MNAT1: variants seen among roughly 807,000 people sequenced by gnomAD.
The protein encoded by MNAT1 is MNAT1 component of CDK activating kinase.
A neutral mutation model predicts 42.0 loss-of-function variants in MNAT1; 43 were observed. The observed-to-expected ratio is 1.02, with a 90% CI of 0.80 to 1.32. MNAT1 has a LOEUF of 1.32. MNAT1 is among the 40% of genes most tolerant of loss of function. MNAT1 has a pLI of 0.00. For missense variants in MNAT1, 306 were observed against 350.4 expected (o/e 0.87, Z 1.01); for synonymous variants, 118 against 120.0 (o/e 0.98, Z 0.11).
chr14:60,949,895 C>G (rs1284895409), intron 7 of MNAT1, among the ~76,000 whole-genome samples: 1 of 151,990 alleles, frequency 6.6e-6, no homozygotes, highest in African/African-American at 2.4e-5. Context: ...TTTTTAAAAA[C>G]TTGAAATTGT....
At chr14:60,910,117 T>C (rs1321860454) in intron 7 of MNAT1, among the ~76,000 whole-genome samples, 1 of 152,230 alleles carries the variant, frequency 6.6e-6, no homozygotes, top group Non-Finnish European at 1.5e-5. Context: ...ATGATTTGGC[T>C]CTCTGTTTGT....
At chr14:60,894,225 C>A (rs944022249) in intron 7 of MNAT1, among the ~76,000 whole-genome samples, 2 of 151,742 alleles carry the variant, frequency 1.3e-5, no homozygotes, top group African/African-American at 2.4e-5. Flanking sequence ...TTTTCTACCC[C>A]TCCTCCATTG....
intron 5 of MNAT1, among the ~76,000 whole-genome samples, chr14:60,816,329 A>AC (rs1555376656): frequency 6.6e-6 from 1 of 152,176 alleles, no homozygotes; most frequent in East Asian, 1.9e-4. Flanking sequence ...AATTTTAAAA[A>AC]AGTTTGGAAA....
intron 7 of MNAT1, among the ~76,000 whole-genome samples, chr14:60,880,377 G>T (rs377647235): frequency 4.6e-5 from 7 of 152,178 alleles, no homozygotes; most frequent in African/African-American, 1.4e-4. Flanking sequence ...ATGGAGAGAT[G>T]GTTATAGTCT....
At position 60,750,529 on chromosome 14, in the gene MNAT1, CTT is replaced by C. The variant is rs775053270; in HGVS notation, c.89+15600_89+15601del. The stretch of plus-strand genomic sequence containing the variant: ...ACAGGCGTGAGCCACTGCGCCCAGC[CTT>C]TTTTTTTTTTTTTTTTTTTTTGAAA... On this transcript the variant is annotated intron_variant, in intron 1 of 7. Transcript: ENST00000261245. Among the ~76,000 whole-genome samples, 163 of 90,664 alleles carry C rather than the reference CTT, an allele frequency of 1.8e-3. No homozygotes were observed. The East Asian group carries it at 0.028, about 15-fold the overall frequency. 59.5% of individuals were successfully genotyped at this position (90,664 alleles called of 152,430 possible).
rs1379988186 is a variant in MNAT1 at position 60,740,259 on chromosome 14, A to G, written c.89+5308A>G. Among the ~76,000 whole-genome samples the G allele has an allele frequency of 1.3e-5, 2 of 152,238 alleles. No homozygotes were observed. Among genetic ancestry groups the G allele is most frequent in the Non-Finnish European group, 2.9e-5 (2 of 68,038 alleles). On this transcript the variant is annotated intron_variant, in intron 1 of 7. Transcript: ENST00000261245. The surrounding 1 kb of genome is among the most constrained non-coding windows in gnomAD (Gnocchi z 4.1). ...CATCACGCACGAGACGCAAAGTACA[A>G]GATAAGCAAAATCAAGTACCTACCA...
intron 6 of MNAT1, among the ~76,000 whole-genome samples, chr14:60,857,001 T>C (rs1471347599): frequency 6.6e-6 from 1 of 152,186 alleles, no homozygotes; most frequent in African/African-American, 2.4e-5. Context: ...TTGAAAATCC[T>C]AGGGTCTTTA....
At chr14:60,839,533 C>G (rs536209629) in intron 6 of MNAT1, among the ~76,000 whole-genome samples, 10 of 152,322 alleles carry the variant, frequency 6.6e-5, no homozygotes, top group African/African-American at 2.4e-4. Flanking sequence ...ACTGAAAGAG[C>G]TGTAACACAA....
intron 3 of MNAT1, among the ~76,000 whole-genome samples, chr14:60,806,278 T>C (rs922322153): frequency 6.6e-6 from 1 of 152,154 alleles, no homozygotes; most frequent in Non-Finnish European, 1.5e-5. Context: ...AAGTGTCTCA[T>C]AAGGAGGAGC....
Position 60,904,988 on chromosome 14 carries a change from TTTTTTG to T in MNAT1, c.809+25154_809+25159del, listed in dbSNP as rs368536277. 8.4e-3 allele frequency among the ~76,000 whole-genome samples: 1,153 copies of T among 137,402 alleles called. 56 individuals are homozygous for T. The highest frequency in any genetic ancestry group is 0.018 in the Middle Eastern group (5 of 274). 90.1% of individuals were successfully genotyped at this position (137,402 alleles called of 152,430 possible). A position where few individuals can be genotyped will look rare whatever the true frequency, so the allele number is the denominator to read the frequency against. Reference sequence around the variant, plus strand: ...TGTTCAGCAGTTCCTTTTTTTTTTTTTTTTTGGACGGAGTCTCGCTCTGTTGCCCAG... The same window carrying T: ...TGTTCAGCAGTTCCTTTTTTTTTTTTGACGGAGTCTCGCTCTGTTGCCCAG... On this transcript the variant is annotated intron_variant, in intron 7 of 7. Transcript: ENST00000261245.
chr14:60,824,936 T>C (rs2033008928), intron 6 of MNAT1, among the ~76,000 whole-genome samples: 1 of 152,162 alleles, frequency 6.6e-6, no homozygotes, highest in Non-Finnish European at 1.5e-5. Context: ...TGTTAAAATA[T>C]TGGATCACTT....
At chr14:60,904,207 G>T (rs4151327) in intron 7 of MNAT1, among the ~76,000 whole-genome samples, 1,961 of 152,192 alleles carry the variant, frequency 0.013, 44 homozygotes, top group African/African-American at 0.045. Context: ...AAGTCTTGGG[G>T]CATCAGAAAA....
At chr14:60,769,424 A>G (rs993864496) in intron 1 of MNAT1, among the ~76,000 whole-genome samples, 3 of 152,088 alleles carry the variant, frequency 2.0e-5, no homozygotes, top group African/African-American at 7.2e-5. Flanking sequence ...GGCATATGCC[A>G]TCAGGCCTGG....
intron 7 of MNAT1, among the ~76,000 whole-genome samples, chr14:60,951,266 C>CTTTTTTTTTTTTT (rs33970682): frequency 1.4e-4 from 12 of 87,856 alleles, no homozygotes; most frequent in Admixed American, 6.6e-4. Flanking sequence ...CTTCCCCTCC[C>CTTTTTTTTTTTTT]TTTTTTTTTT....
intron 1 of MNAT1, among the ~76,000 whole-genome samples, chr14:60,757,693 G>GA (rs2030417689): frequency 6.6e-6 from 1 of 152,164 alleles, no homozygotes; most frequent in African/African-American, 2.4e-5. Context: ...AAATACTGAT[G>GA]AGTCACAGAG....
At chr14:60,775,097 T>A in intron 1 of MNAT1, among the ~76,000 whole-genome samples, 1 of 152,066 alleles carries the variant, frequency 6.6e-6, no homozygotes, top group East Asian at 1.9e-4. Flanking sequence ...ACACTTCAAC[T>A]TTTAGGTGGT....
At chr14:60,821,271 C>G (rs2032882866) in intron 6 of MNAT1, among the ~76,000 whole-genome samples, 1 of 152,068 alleles carries the variant, frequency 6.6e-6, no homozygotes, top group South Asian at 2.1e-4. Flanking sequence ...CATGGGCTAC[C>G]ACGCCTGGCC....
chr14:60,836,676 C>T (rs908153294), intron 6 of MNAT1, among the ~76,000 whole-genome samples: 2 of 152,202 alleles, frequency 1.3e-5, no homozygotes, highest in Non-Finnish European at 2.9e-5. Flanking sequence ...TGTTGTTAAA[C>T]CCCTGTTGGG....
intron 5 of MNAT1, among the ~76,000 whole-genome samples, chr14:60,813,915 AATG>A (rs1481067424): frequency 1.3e-5 from 2 of 152,150 alleles, no homozygotes; most frequent in African/African-American, 4.8e-5. Context: ...ACGATGTTAA[AATG>A]AGGTTCTAGT....
Sources: allele counts gnomAD v4.1 joint callset (sites outside exome capture counted in the v4.1 genomes callset), GRCh38; gene constraint gnomAD v4.1.1; non-coding constraint Gnocchi (gnomAD v3.1); transcripts MANE v1.5; gene names NCBI Gene and HGNC (gene_info 2026-07-23, HGNC 2026-07-21).